UNC5C: variants seen among roughly 807,000 people sequenced by gnomAD.
The protein encoded by UNC5C is unc-5 netrin receptor C.
A neutral mutation model predicts 99.8 loss-of-function variants in UNC5C; 47 were observed. That is an observed-to-expected ratio of 0.47 (90% confidence interval 0.37 to 0.60). The LOEUF (loss-of-function observed/expected upper bound fraction) is 0.60, where lower values mean the gene tolerates loss of function less well. UNC5C is among the 20% of genes least tolerant of loss of function. UNC5C has a pLI of 0.00. For synonymous variants in UNC5C, 487 were observed against 452.2 expected (o/e 1.08, Z -0.98); for missense variants, 1,062 against 1,165.9 (o/e 0.91, Z 1.30).
chr4:95,183,703 G>GAA (rs33969560), intron 13 of UNC5C, among the ~76,000 whole-genome samples: 1 of 26,896 alleles, frequency 3.7e-5, no homozygotes, highest in African/African-American at 6.1e-5. Flanking sequence ...TTCAATAAAG[G>GAA]AAAGAAAAGG....
chr4:95,540,821 T>C (rs578159854), intron 1 of UNC5C, among the ~76,000 whole-genome samples: 72 of 152,334 alleles, frequency 4.7e-4, no homozygotes, highest in Non-Finnish European at 8.2e-4. Context: ...GTTTTTGTTG[T>C]GGTAATAATT....
At chr4:95,205,988 G>A (rs1737861261) in intron 11 of UNC5C, among the ~76,000 whole-genome samples, 1 of 150,344 alleles carries the variant, frequency 6.7e-6, no homozygotes, top group African/African-American at 2.5e-5. Context: ...AATTATATAC[G>A]TATATATACA....
chr4:95,442,054 C>T (rs894124222), intron 1 of UNC5C, among the ~76,000 whole-genome samples: 1 of 152,194 alleles, frequency 6.6e-6, no homozygotes, highest in African/African-American at 2.4e-5. Flanking sequence ...GTCTACTAGA[C>T]ATGTGACGCT....
chr4:95,201,833 T>C (rs1737679902), intron 12 of UNC5C, among the ~76,000 whole-genome samples: 1 of 152,162 alleles, frequency 6.6e-6, no homozygotes, highest in Non-Finnish European at 1.5e-5. Context: ...CTTGATCTCC[T>C]GACCTCGTGA....
chr4:95,377,095 T>C (rs1479603564), intron 1 of UNC5C, among the ~76,000 whole-genome samples: 2 of 152,176 alleles, frequency 1.3e-5, no homozygotes, highest in Non-Finnish European at 2.9e-5. Context: ...GATTTTTACT[T>C]TGGAATGTAA....
At chr4:95,185,600 C>T (rs1736798800) in intron 12 of UNC5C, among the ~76,000 whole-genome samples, 1 of 152,128 alleles carries the variant, frequency 6.6e-6, no homozygotes, top group African/African-American at 2.4e-5. Flanking sequence ...TTTCAATTAA[C>T]TTTTACAAAA....
intron 1 of UNC5C, among the ~76,000 whole-genome samples, chr4:95,418,761 C>T (rs1040817348): frequency 6.6e-6 from 1 of 152,090 alleles, no homozygotes; most frequent in African/African-American, 2.4e-5. Flanking sequence ...AAAAAAATAT[C>T]CAACTTTCTT....
chr4:95,177,971 G>C (rs1435969648), intron 14 of UNC5C, among the ~76,000 whole-genome samples: 1 of 151,814 alleles, frequency 6.6e-6, no homozygotes, highest in Non-Finnish European at 1.5e-5. Flanking sequence ...GCCTCCCAAA[G>C]TCATGGGATT....
intron 7 of UNC5C, among the ~76,000 whole-genome samples, chr4:95,238,989 TTACTC>T (rs1457210734): frequency 3.9e-5 from 6 of 152,238 alleles, no homozygotes; most frequent in Admixed American, 1.3e-4. Context: ...TACATCTACT[TTACTC>T]TATAGTTTCC....
At chr4:95,218,864 T>G in intron 9 of UNC5C, 105 bp downstream of exon 9, 1 of 1,155,046 alleles carries the variant, frequency 8.7e-7, no homozygotes, top group East Asian at 2.5e-5. Context: ...TAGGTCACAT[T>G]TAACATTTCA....
chr4:95,224,943 G>A (rs532378384), intron 7 of UNC5C, among the ~76,000 whole-genome samples: 1 of 151,774 alleles, frequency 6.6e-6, no homozygotes, highest in South Asian at 2.1e-4. Context: ...AGTGCTTGAT[G>A]AGAAACGACA....
At chr4:95,390,937 G>T (rs1156645103) in intron 1 of UNC5C, among the ~76,000 whole-genome samples, 1 of 152,274 alleles carries the variant, frequency 6.6e-6, no homozygotes, top group East Asian at 1.9e-4. Context: ...ATCTTAAATT[G>T]TAGCTCCCAT....
At chr4:95,432,056 A>G (rs894039996) in intron 1 of UNC5C, among the ~76,000 whole-genome samples, 1 of 152,134 alleles carries the variant, frequency 6.6e-6, no homozygotes, top group African/African-American at 2.4e-5. Context: ...GACGCTTTGG[A>G]GACATTTTTT....
intron 1 of UNC5C, among the ~76,000 whole-genome samples, chr4:95,407,716 T>C (rs562513462): frequency 9.2e-5 from 14 of 152,262 alleles, no homozygotes; most frequent in African/African-American, 3.1e-4. Context: ...AATATGATGA[T>C]TCACCTTCAA....
chr4:95,208,526 A>G (rs1737960570), intron 10 of UNC5C, among the ~76,000 whole-genome samples: 1 of 152,164 alleles, frequency 6.6e-6, no homozygotes, highest in South Asian at 2.1e-4. Context: ...CTTCCCTCCA[A>G]ACATTGGCTA....
chr4:95,495,924 G>A (rs1463953812), intron 1 of UNC5C, among the ~76,000 whole-genome samples: 1 of 151,744 alleles, frequency 6.6e-6, no homozygotes, highest in Admixed American at 6.6e-5. Context: ...TTCATATGGA[G>A]AAATAGAAAT....
chr4:95,500,501 C>T lies in UNC5C; in HGVS notation c.124+48233G>A, dbSNP rs116519215. On this transcript the variant is annotated intron_variant, in intron 1 of 15. Coordinates refer to ENST00000453304, the MANE Select transcript of UNC5C (RefSeq NM_003728.4). The stretch of plus-strand genomic sequence containing the variant: ...CCACATTAATAAGTTTTTTCCTAAC[C>T]TTTCTAAACATTGGTCATGTTTATA... Among the ~76,000 whole-genome samples, 819 of 152,186 alleles carry T rather than the reference C, an allele frequency of 5.4e-3. 6 individuals carry two copies. The highest frequency in any genetic ancestry group is 0.018 in the African/African-American group (749 of 41,550).
At chr4:95,521,193 C>T (rs1263055277) in intron 1 of UNC5C, among the ~76,000 whole-genome samples, 3 of 136,752 alleles carry the variant, frequency 2.2e-5, no homozygotes, top group African/African-American at 8.9e-5. Flanking sequence ...AGTGTCTCTT[C>T]TTCTTCTTTT....
At chr4:95,548,317 T>C (rs1464202646) in intron 1 of UNC5C, among the ~76,000 whole-genome samples, 1 of 152,062 alleles carries the variant, frequency 6.6e-6, no homozygotes, top group African/African-American at 2.4e-5. Context: ...GCGGGGAGCC[T>C]CTGCGCATCA....
Sources: allele counts gnomAD v4.1 joint callset (sites outside exome capture counted in the v4.1 genomes callset), GRCh38; gene constraint gnomAD v4.1.1; transcripts MANE v1.5; gene names NCBI Gene and HGNC (gene_info 2026-07-23, HGNC 2026-07-21).